The following ARHGEF28 variants were observed in gnomAD, a reference collection of about 807,000 sequenced individuals.
The protein encoded by ARHGEF28 is 190 kDa guanine nucleotide exchange factor.
A neutral mutation model predicts 206.6 loss-of-function variants in ARHGEF28; 152 were observed. The observed-to-expected ratio is 0.74, with a 90% CI of 0.64 to 0.84. The LOEUF (loss-of-function observed/expected upper bound fraction) is 0.84. ARHGEF28 is among the 40% of genes least tolerant of loss of function. The pLI, the probability that ARHGEF28 is intolerant of heterozygous loss-of-function variation, is 0.00. For missense variants in ARHGEF28, 2,028 were observed against 2,073.2 expected, an observed-to-expected ratio of 0.98 and a Z score of 0.42; for synonymous variants, 763 against 776.4, an observed-to-expected ratio of 0.98 and a Z score of 0.29.
At chr5:73,880,028 C>G (rs543597554) in intron 22 of ARHGEF28, among the ~76,000 whole-genome samples, 1 of 152,220 alleles carries the variant, frequency 6.6e-6, no homozygotes, top group Admixed American at 6.5e-5. Context: ...CTGCCCCCAG[C>G]GGTGGAGCCT....
intron 35 of ARHGEF28, among the ~76,000 whole-genome samples, chr5:73,927,148 C>A (rs768355298): frequency 1.3e-4 from 19 of 151,906 alleles, no homozygotes; most frequent in Admixed American, 2.0e-4. Flanking sequence ...ATTGCTTGAG[C>A]CCAGGAGTTC....
chr5:73,681,155 T>C (rs1747074782), intron 1 of ARHGEF28, among the ~76,000 whole-genome samples: 1 of 150,760 alleles, frequency 6.6e-6, no homozygotes, highest in Non-Finnish European at 1.5e-5. Context: ...CAAAAATACA[T>C]AAGGATCTTC....
intron 2 of ARHGEF28, among the ~76,000 whole-genome samples, chr5:73,689,772 G>T (rs1036875931): frequency 2.3e-5 from 3 of 128,882 alleles, no homozygotes; most frequent in Admixed American, 7.2e-5. Context: ...AGGAGAAAAA[G>T]AAAAAACAAA....
At chr5:73,933,031 C>T (rs1764220555) in intron 35 of ARHGEF28, among the ~76,000 whole-genome samples, 1 of 151,800 alleles carries the variant, frequency 6.6e-6, no homozygotes, top group African/African-American at 2.4e-5. Flanking sequence ...CGGATGGTCT[C>T]GATCTCCTGA....
chr5:73,812,098 CA>C, intron 9 of ARHGEF28, among the ~76,000 whole-genome samples: 1 of 151,212 alleles, frequency 6.6e-6, no homozygotes, highest in Non-Finnish European at 1.5e-5. Flanking sequence ...GTTTATGTGA[CA>C]AACTATATAA....
chr5:73,694,886 C>T (rs1385979114), intron 2 of ARHGEF28, among the ~76,000 whole-genome samples: 2 of 152,240 alleles, frequency 1.3e-5, no homozygotes, highest in African/African-American at 2.4e-5. Flanking sequence ...TCCCTGCTCT[C>T]GCAGAATGCA....
At position 73,873,240 on chromosome 5, in the gene ARHGEF28, A is replaced by G; in HGVS notation, c.2808A>G (p.Val936=). ...TCGACCGAATTGGAGATATTTTGGT[A>G]CAACAGGTAAGAAGAGCTTAAAGTC... is the stretch of plus-strand genomic sequence containing the variant. The part of the protein sequence containing the change: ...FVIDRIGDIL[V]QQFSEENASK... The change falls in exon 22 of 36, where the codon GTA becomes GTG. Residue 936 remains valine (V), a synonymous_variant. Coordinates refer to ENST00000513042, the MANE Select transcript of ARHGEF28 (RefSeq NM_001177693.2). 1 of 1,609,572 alleles carries G rather than the reference A, an allele frequency of 6.2e-7. No homozygotes were observed. Among genetic ancestry groups the G allele is most frequent in the South Asian group, 1.1e-5 (1 of 89,944 alleles).
chr5:73,672,227 A>G (rs746101631), intron 1 of ARHGEF28, among the ~76,000 whole-genome samples: 5 of 152,174 alleles, frequency 3.3e-5, no homozygotes, highest in Non-Finnish European at 5.9e-5. Context: ...AGGATGGATT[A>G]TGTATAAACA....
intron 3 of ARHGEF28, 64 bp from the exon 4 acceptor site, chr5:73,752,845 T>C: frequency 1.9e-6 from 3 of 1,574,080 alleles, no homozygotes; most frequent in Non-Finnish European, 2.6e-6. Context: ...GGCTAGCACA[T>C]TGGACCCCTG....
chr5:73,928,436 A>C (rs185654241), intron 35 of ARHGEF28, among the ~76,000 whole-genome samples: 1 of 152,334 alleles, frequency 6.6e-6, no homozygotes, highest in Admixed American at 6.5e-5. Flanking sequence ...AACAGCAAAA[A>C]AATTAAAAAT....
chr5:73,697,467 C>T (rs946499995), intron 2 of ARHGEF28, among the ~76,000 whole-genome samples: 8 of 152,114 alleles, frequency 5.3e-5, no homozygotes, highest in South Asian at 2.1e-4. Flanking sequence ...TGAGGGGGCA[C>T]GTGTAGTGAG....
rs758611651 is a variant in ARHGEF28 at position 73,832,448 on chromosome 5, G to T, written c.1135G>T (p.Val379Leu). 3 of 1,612,284 alleles carry T rather than the reference G, an allele frequency of 1.9e-6. No homozygotes were observed. The highest frequency in any genetic ancestry group is 1.3e-5 in the African/African-American group (1 of 74,906). Residue 379 changes from valine to leucine, a missense_variant, in exon 10 of 36, where the codon GTG (valine) becomes TTG (leucine). Around this residue, in one of 3 missense-constraint regions of ARHGEF28, gnomAD observed 1,002 missense variants for 1,015.3 expected, o/e 0.99. Transcript: ENST00000513042. ...TGATGAAGTCTACGCTAACTGTATG[G>T]TGATTGATCAGGTAAGGCCCAACTG... The part of the protein sequence containing the change: ...GGDEVYANCM[V>L]IDQVGDLDIS...
chr5:73,717,689 TACA>T lies in ARHGEF28; in HGVS notation c.34-32143_34-32141del, dbSNP rs557617438. ...CAGGTATTGCACTAGGTGCTGGAAATACAACAAGAAGAGAGCTCATAGATAAGG... is the reference window on the plus strand; with the variant it reads ...CAGGTATTGCACTAGGTGCTGGAAATACAAGAAGAGAGCTCATAGATAAGG... On this transcript the variant is annotated intron_variant, in intron 2 of 35. Transcript: ENST00000513042. Among the ~76,000 whole-genome samples, 23 of 152,262 alleles carry T rather than the reference TACA, an allele frequency of 1.5e-4. No individual in the cohort carries two copies. In the South Asian group the frequency reaches 4.1e-3, roughly 27 times the overall value.
rs575357982 is a variant in ARHGEF28 at position 73,701,329 on chromosome 5, C to T, written c.33+16445C>T. 8.5e-5 allele frequency among the ~76,000 whole-genome samples: 13 copies of T among 152,190 alleles called. No individual in the cohort carries two copies. The South Asian group carries it at 2.3e-3, about 27-fold the overall frequency. On this transcript the variant is annotated intron_variant, in intron 2 of 35. Transcript: ENST00000513042. ...TTGTATCAAAACTTCTGACTGAACT[C>T]AATAGGGAGTTTTCCCCCAGGCAAA... is the stretch of plus-strand genomic sequence containing the variant.
At chr5:73,896,442 A>G (rs1046718288) in intron 29 of ARHGEF28, among the ~76,000 whole-genome samples, 13 of 150,724 alleles carry the variant, frequency 8.6e-5, no homozygotes, top group Non-Finnish European at 1.8e-4. Flanking sequence ...GTTATTCCAA[A>G]TATGATGGAA....
At chr5:73,740,853 G>A (rs1402506052) in intron 2 of ARHGEF28, among the ~76,000 whole-genome samples, 1 of 152,138 alleles carries the variant, frequency 6.6e-6, no homozygotes, top group Non-Finnish European at 1.5e-5. Context: ...CATCAATATA[G>A]GGTAGGGCAG....
chr5:73,647,406 C>T lies in ARHGEF28; in HGVS notation c.-12+21084C>T, dbSNP rs926095326. On this transcript the variant is annotated intron_variant, in intron 1 of 35. Transcript: ENST00000513042. The stretch of plus-strand genomic sequence containing the variant: ...GCATTTTGGATAAGGAATACTCAAT[C>T]TGTGTTAGTCTCATTAGCCAAAACA... Among the ~76,000 whole-genome samples the T allele has an allele frequency of 2.0e-5, 3 of 152,342 alleles. No individual in the cohort carries two copies. The South Asian group carries it at 6.2e-4, about 32-fold the overall frequency.
At position 73,768,157 on chromosome 5, in the gene ARHGEF28, G is replaced by A. The variant is rs530642541; in HGVS notation, c.476-5698G>A. Among the ~76,000 whole-genome samples the A allele has an allele frequency of 1.5e-4, 23 of 152,296 alleles. 1 individual carries two copies. The highest frequency in any genetic ancestry group is 5.5e-4 in the African/African-American group (23 of 41,546). Reference sequence around the variant, plus strand: ...GGCAAAAGTTTGCTGCAGGGGTGGGGCTTTCATGGAGGACCTCTGCTAGGG... The same window carrying A: ...GGCAAAAGTTTGCTGCAGGGGTGGGACTTTCATGGAGGACCTCTGCTAGGG... On this transcript the variant is annotated intron_variant, in intron 4 of 35. Coordinates refer to ENST00000513042, the MANE Select transcript of ARHGEF28 (RefSeq NM_001177693.2).
intron 35 of ARHGEF28, among the ~76,000 whole-genome samples, chr5:73,917,494 A>G (rs6872476): frequency 0.028 from 4,331 of 152,326 alleles, 148 homozygotes; most frequent in African/African-American, 0.08. Flanking sequence ...GAGCCTGGTG[A>G]GCCAGGAGTG....
Sources: gnomAD v4.1 joint callset for allele counts (sites outside exome capture counted in the v4.1 genomes callset) on GRCh38, gnomAD v4.1.1 for gene constraint, gnomAD v4.1.1 regional missense constraint, MANE v1.5 for transcripts, NCBI Gene and HGNC (gene_info 2026-07-23, HGNC 2026-07-21) for gene names.